Variants in ARHGEF28 observed in about 807,000 individuals in gnomAD.
The protein encoded by ARHGEF28 is 190 kDa guanine nucleotide exchange factor.
ARHGEF28 carries 152 observed loss-of-function variants against 206.6 expected under a neutral mutation model. The observed-to-expected ratio is 0.74, with a 90% CI of 0.64 to 0.84. The LOEUF is 0.84. Ranked by LOEUF, ARHGEF28 falls within the 40% of genes least tolerant of loss-of-function variation. ARHGEF28 has a pLI of 0.00. For missense variants in ARHGEF28, 2,028 were observed against 2,073.2 expected (o/e 0.98, Z 0.42); for synonymous variants, 763 against 776.4 (o/e 0.98, Z 0.29).
chr5:73,711,869 T>G (rs1440486025), intron 2 of ARHGEF28, among the ~76,000 whole-genome samples: 1 of 152,168 alleles, frequency 6.6e-6, no homozygotes, highest in South Asian at 2.1e-4. Flanking sequence ...ATACTTTTCT[T>G]GCTTTTGATC....
Position 73,909,508 on chromosome 5 carries a change from G to C in ARHGEF28, c.4258G>C (p.Gly1420Arg), listed in dbSNP as rs1336273082. The C allele has an allele frequency of 6.2e-7, 1 of 1,608,150 alleles. No individual in the cohort carries two copies. Among genetic ancestry groups the C allele is most frequent in the East Asian group, 2.2e-5 (1 of 44,664 alleles). ...TCTCGGCCACTCTATCCTCCGAGGC[G>C]GCCCCTTGCAGGACCAGAAGTCTCG... ...LSLGHSILRGGPLQDQKSRDA... is the reference protein window; with the variant it reads ...LSLGHSILRGRPLQDQKSRDA... Residue 1420 changes from glycine to arginine, a missense_variant, in exon 34 of 36, where the codon GGC (glycine) becomes CGC (arginine). Transcript: ENST00000513042.
At chr5:73,639,409 T>C (rs917873596) in intron 1 of ARHGEF28, among the ~76,000 whole-genome samples, 19 of 151,788 alleles carry the variant, frequency 1.3e-4, no homozygotes, top group African/African-American at 4.6e-4. Context: ...CATATGTTTG[T>C]TTTTGGATAT....
rs577840093 is a variant in ARHGEF28, at chr5:73,864,727, A to G, written c.2048-90A>G. The G allele has an allele frequency of 8.7e-5, 97 of 1,119,772 alleles. No homozygotes were observed. The African/African-American group carries it at 1.0e-3, about 12-fold the overall frequency. 69.4% of individuals were successfully genotyped at this position (1,119,772 alleles called of 1,614,324 possible). On this transcript the variant is annotated intron_variant, in intron 16 of 35. Transcript: ENST00000513042. ...ATTTGTAATGTTTATGTGTTTTTTT[A>G]TAATGACCAGTGAAAGCATGATGTA...
intron 24 of ARHGEF28, 36 bp downstream of exon 24, chr5:73,883,920 C>A: frequency 7.3e-7 from 1 of 1,369,760 alleles, no homozygotes; most frequent in East Asian, 2.7e-5. Flanking sequence ...ATTTGCCCCT[C>A]TTATTAGTTT....
intron 6 of ARHGEF28, among the ~76,000 whole-genome samples, chr5:73,777,613 A>G (rs962781170): frequency 4.6e-5 from 7 of 152,256 alleles, no homozygotes; most frequent in African/African-American, 7.2e-5. Context: ...GGCTTACTCC[A>G]TATAGAGTTT....
chr5:73,805,034 A>G (rs764949639), intron 9 of ARHGEF28, among the ~76,000 whole-genome samples: 5 of 152,168 alleles, frequency 3.3e-5, no homozygotes, highest in South Asian at 2.1e-4. Context: ...TACTTATTCA[A>G]TCATTTATGT....
At chr5:73,833,073 C>A (rs1183585826) in intron 10 of ARHGEF28, among the ~76,000 whole-genome samples, 1 of 152,160 alleles carries the variant, frequency 6.6e-6, no homozygotes, top group Non-Finnish European at 1.5e-5. Context: ...GTGCTGGCAT[C>A]TTCTTGTCTT....
intron 9 of ARHGEF28, among the ~76,000 whole-genome samples, chr5:73,830,335 C>T (rs10473961): frequency 0.31 from 47,637 of 151,780 alleles, 9,103 homozygotes; most frequent in East Asian, 0.54. Flanking sequence ...GGCTGGATCA[C>T]GAGGTCAGAA....
intron 22 of ARHGEF28, among the ~76,000 whole-genome samples, chr5:73,877,000 C>T (rs1402611203): frequency 1.4e-3 from 198 of 143,136 alleles, no homozygotes; most frequent in African/African-American, 5.0e-3. Flanking sequence ...GGAATGGTAC[C>T]AGTTCCTCCT....
At chr5:73,753,266 C>G (rs1752120094) in intron 4 of ARHGEF28, 64 bp downstream of exon 4, 2 of 1,462,726 alleles carry the variant, frequency 1.4e-6, no homozygotes. Flanking sequence ...GTACCTTATG[C>G]TATACTGTGT....
chr5:73,667,448 CT>C (rs1355457343), intron 1 of ARHGEF28, among the ~76,000 whole-genome samples: 3 of 152,172 alleles, frequency 2.0e-5, no homozygotes, highest in African/African-American at 7.2e-5. Flanking sequence ...TGCCCTGGTC[CT>C]TTCTTTTGAC....
intron 1 of ARHGEF28, among the ~76,000 whole-genome samples, chr5:73,647,752 G>A (rs1744525042): frequency 6.6e-6 from 1 of 152,126 alleles, no homozygotes; most frequent in African/African-American, 2.4e-5. Context: ...AAAATGAAGG[G>A]GAGAATTGAT....
chr5:73,651,680 G>A (rs759275991), intron 1 of ARHGEF28, among the ~76,000 whole-genome samples: 1 of 151,970 alleles, frequency 6.6e-6, no homozygotes, highest in Non-Finnish European at 1.5e-5. Flanking sequence ...ATTTTTTTAT[G>A]TTATTAAATG....
intron 7 of ARHGEF28, among the ~76,000 whole-genome samples, chr5:73,781,853 G>A (rs1260714376): frequency 6.6e-6 from 1 of 151,950 alleles, no homozygotes; most frequent in Non-Finnish European, 1.5e-5. Context: ...GTATCTAGGG[G>A]GTAGAGTTAT....
At chr5:73,874,665 G>A (rs1446242385) in intron 22 of ARHGEF28, among the ~76,000 whole-genome samples, 5 of 148,266 alleles carry the variant, frequency 3.4e-5, no homozygotes, top group South Asian at 2.2e-4. Context: ...GAGAACATGC[G>A]GTGTTTGGTT....
At chr5:73,876,028 G>A (rs1002971425) in intron 22 of ARHGEF28, among the ~76,000 whole-genome samples, 43 of 149,656 alleles carry the variant, frequency 2.9e-4, no homozygotes, top group Non-Finnish European at 5.1e-4. Context: ...CCATTTTCAC[G>A]ATATTGATTC....
At chr5:73,823,688 A>G (rs1369746689) in intron 9 of ARHGEF28, among the ~76,000 whole-genome samples, 1 of 152,258 alleles carries the variant, frequency 6.6e-6, no homozygotes, top group Admixed American at 6.5e-5. Flanking sequence ...GTCACACTGT[A>G]ACACATTAAT....
chr5:73,753,482 T>G (rs990298197), intron 4 of ARHGEF28, among the ~76,000 whole-genome samples: 1 of 152,214 alleles, frequency 6.6e-6, no homozygotes, highest in African/African-American at 2.4e-5. Context: ...CTCTGGGCTG[T>G]GGCTCCACTT....
At chr5:73,709,460 C>T (rs1280948471) in intron 2 of ARHGEF28, among the ~76,000 whole-genome samples, 2 of 152,156 alleles carry the variant, frequency 1.3e-5, no homozygotes, top group Non-Finnish European at 2.9e-5. Context: ...GTGATGGTTA[C>T]TATGGCACTG....
Sources: allele counts gnomAD v4.1 joint callset (sites outside exome capture counted in the v4.1 genomes callset), GRCh38; gene constraint gnomAD v4.1.1; transcripts MANE v1.5; gene names NCBI Gene and HGNC (gene_info 2026-07-23, HGNC 2026-07-21).